The following VRK1 variants were observed in gnomAD, a reference collection of about 807,000 sequenced individuals.
The protein encoded by VRK1 is serine/threonine-protein kinase VRK1.
A neutral mutation model predicts 57.1 loss-of-function variants in VRK1; 33 were observed. The observed-to-expected ratio is 0.58, with a 90% CI of 0.44 to 0.77. The LOEUF (loss-of-function observed/expected upper bound fraction) is 0.77, where lower values mean the gene tolerates loss of function less well. Ranked by LOEUF, VRK1 falls within the 30% of genes least tolerant of loss-of-function variation. The pLI is 0.00. For synonymous variants in VRK1, 137 were observed against 147.8 expected (o/e 0.93, Z 0.53); for missense variants, 413 against 477.3 (o/e 0.87, Z 1.25).
intron 4 of VRK1, among the ~76,000 whole-genome samples, 161 bp from the exon 5 acceptor site, chr14:96,847,096 T>C (rs959349540): frequency 6.6e-6 from 1 of 152,242 alleles, no homozygotes; most frequent in African/African-American, 2.4e-5. Context: ...CATCGTAAAA[T>C]GCTTTTCGTT....
intron 11 of VRK1, chr14:96,861,040 C>T: frequency 1.9e-5 from 4 of 214,380 alleles, no homozygotes; most frequent in Non-Finnish European, 3.8e-5. Flanking sequence ...TCTCCCAAGT[C>T]ACCACTTAGG....
intron 1 of VRK1, among the ~76,000 whole-genome samples, chr14:96,814,117 T>C (rs183176389): frequency 2.0e-5 from 3 of 152,322 alleles, no homozygotes; most frequent in African/African-American, 4.8e-5. Flanking sequence ...CTTTGTGATA[T>C]AGATTACTCA....
At chr14:96,850,966 C>T (rs535155836) in intron 5 of VRK1, among the ~76,000 whole-genome samples, 93 of 152,234 alleles carry the variant, frequency 6.1e-4, no homozygotes, top group African/African-American at 2.1e-3. Flanking sequence ...AATCATTACA[C>T]ACATCACCTA....
At chr14:96,841,542 C>T (rs1017033321) in intron 3 of VRK1, among the ~76,000 whole-genome samples, 1 of 152,054 alleles carries the variant, frequency 6.6e-6, no homozygotes, top group Non-Finnish European at 1.5e-5. Flanking sequence ...TTACAGTTAT[C>T]CTAGAAGAAT....
chr14:96,816,716 A>G (rs1462612764), intron 1 of VRK1, among the ~76,000 whole-genome samples: 1 of 152,210 alleles, frequency 6.6e-6, no homozygotes, highest in Non-Finnish European at 1.5e-5. Context: ...AAGTGACAGT[A>G]TAGGGTCACA....
intron 4 of VRK1, 95 bp downstream of exon 4, chr14:96,846,259 CTT>C (rs931246657): frequency 7.3e-6 from 9 of 1,232,414 alleles, no homozygotes; most frequent in East Asian, 2.4e-5. Context: ...TTTTATGACT[CTT>C]TGTTATTTTT....
chr14:96,808,024 T>TCTCTCTCC (rs762861599), intron 1 of VRK1, among the ~76,000 whole-genome samples: 3,559 of 47,176 alleles, frequency 0.075, 91 homozygotes, highest in Middle Eastern at 0.19. Context: ...CCTCTGTGTG[T>TCTCTCTCC]GTGTGTGTGT....
chr14:96,826,717 TTAATTC>T (rs1886812438), intron 1 of VRK1, among the ~76,000 whole-genome samples: 2 of 152,230 alleles, frequency 1.3e-5, no homozygotes, highest in Admixed American at 6.5e-5. Flanking sequence ...AAGTGATTGT[TTAATTC>T]TAATTAGTAT....
At chr14:96,797,622 G>T (rs947500268) in intron 1 of VRK1, among the ~76,000 whole-genome samples, 175 bp downstream of exon 1, 3 of 152,044 alleles carry the variant, frequency 2.0e-5, no homozygotes, top group Non-Finnish European at 4.4e-5. Flanking sequence ...CCGCCGCGTG[G>T]CTTCCGCCTG....
At chr14:96,869,132 A>G (rs1185109589) in intron 11 of VRK1, among the ~76,000 whole-genome samples, 2 of 152,208 alleles carry the variant, frequency 1.3e-5, no homozygotes, top group Non-Finnish European at 2.9e-5. Flanking sequence ...AAGTTCTTTC[A>G]GTTGAAATAA....
chr14:96,851,747 C>T (rs1887957635), intron 5 of VRK1, among the ~76,000 whole-genome samples: 1 of 152,152 alleles, frequency 6.6e-6, no homozygotes, highest in African/African-American at 2.4e-5. Context: ...TTGCCACATA[C>T]TAGAGGACAA....
chr14:96,813,501 T>G (rs1014964068), intron 1 of VRK1, among the ~76,000 whole-genome samples: 2 of 152,186 alleles, frequency 1.3e-5, no homozygotes, highest in African/African-American at 4.8e-5. Context: ...TACATCAAGT[T>G]TTTTTCAGCT....
chr14:96,873,107 G>T lies in VRK1; in HGVS notation c.1069-2923G>T, dbSNP rs143484933. 7.1e-3 allele frequency among the ~76,000 whole-genome samples: 1,086 copies of T among 152,268 alleles called. 14 individuals are homozygous for T. Among genetic ancestry groups the T allele is most frequent in the Non-Finnish European group, 6.8e-3 (465 of 68,018 alleles). ...ACTGCCCGAGTACGCATCTCTTAGA[G>T]ACAGCCATGAATCTGATTGGCTTTT... On this transcript the variant is annotated intron_variant, in intron 11 of 12. Coordinates refer to ENST00000216639, the MANE Select transcript of VRK1 (RefSeq NM_003384.3).
At chr14:96,830,059 C>T (rs1006698075) in intron 1 of VRK1, among the ~76,000 whole-genome samples, 5 of 151,738 alleles carry the variant, frequency 3.3e-5, no homozygotes, top group African/African-American at 1.2e-4. Flanking sequence ...TTTTTTTCCC[C>T]TGGCATAAAA....
intron 1 of VRK1, among the ~76,000 whole-genome samples, chr14:96,818,402 T>C (rs1467679392): frequency 1.3e-5 from 2 of 149,172 alleles, no homozygotes; most frequent in African/African-American, 5.2e-5. Flanking sequence ...ATTTTTTCTT[T>C]TCTGAAGATA....
chr14:96,808,002 C>CCTCTCTCCGTCTCTCTCTCT (rs149250994), intron 1 of VRK1, among the ~76,000 whole-genome samples: 41,081 of 112,826 alleles, frequency 0.36, 9,174 homozygotes, highest in South Asian at 0.44. Context: ...TCCCTCTCTC[C>CCTCTCTCCGTCTCTCTCTCT]CTCTCTCTCT....
intron 11 of VRK1, among the ~76,000 whole-genome samples, chr14:96,864,910 G>T (rs571824593): frequency 1.4e-5 from 2 of 141,656 alleles, no homozygotes; most frequent in Middle Eastern, 3.6e-3. Context: ...ATTTCAAATC[G>T]TTTGCCTATT....
Position 96,837,479 on chromosome 14 carries a change from C to T in VRK1, c.161-283C>T, listed in dbSNP as rs77743629. Among the ~76,000 whole-genome samples, 12,682 of 152,196 alleles carry T rather than the reference C, an allele frequency of 0.083. 693 individuals carry two copies. The highest frequency in any genetic ancestry group is 0.13 in the Non-Finnish European group (8,646 of 67,996). On this transcript the variant is annotated intron_variant, in intron 2 of 12. Coordinates refer to ENST00000216639, the MANE Select transcript of VRK1 (RefSeq NM_003384.3). ...ACTAGCATATCAAAGGCTATTAGTA[C>T]TTTTGAATTAAAGAAATCTTTAACT...
chr14:96,829,922 T>G (rs950412608), intron 1 of VRK1, among the ~76,000 whole-genome samples: 1 of 152,190 alleles, frequency 6.6e-6, no homozygotes, highest in Non-Finnish European at 1.5e-5. Context: ...CTACTGGGCT[T>G]CTTCTCTAGT....
Sources: allele counts gnomAD v4.1 joint callset (sites outside exome capture counted in the v4.1 genomes callset), GRCh38; gene constraint gnomAD v4.1.1; transcripts MANE v1.5; gene names NCBI Gene and HGNC (gene_info 2026-07-23, HGNC 2026-07-21).